The following MANBA variants were observed in gnomAD, a reference collection of about 807,000 sequenced individuals.
MANBA encodes the protein mannosidase beta.
In MANBA, 83 loss-of-function variants were observed where a neutral mutation model predicts 111.1. The observed-to-expected ratio is 0.75, with a 90% CI of 0.63 to 0.90. The LOEUF is 0.90. Ranked by LOEUF, MANBA falls within the 40% of genes least tolerant of loss-of-function variation. The pLI is 0.00. For synonymous variants in MANBA, 370 were observed against 378.7 expected, an observed-to-expected ratio of 0.98 and a Z score of 0.27; for missense variants, 1,036 against 1,069.0, an observed-to-expected ratio of 0.97 and a Z score of 0.43.
At position 102,633,395 on chromosome 4, in the gene MANBA, T is replaced by C. The variant is rs12502761; in HGVS notation, c.2416-1114A>G. 0.058 allele frequency: 23,176 copies of C among 398,628 alleles called. 795 individuals carry two copies. Among genetic ancestry groups the C allele is most frequent in the East Asian group, 0.098 (2,739 of 28,078 alleles). 24.7% of individuals were successfully genotyped at this position (398,628 alleles called of 1,614,324 possible). A position where few individuals can be genotyped will look rare whatever the true frequency, so the allele number is the denominator to read the frequency against. The stretch of plus-strand genomic sequence containing the variant: ...GCCGAAAGAGATGCTGGTGTCATGC[T>C]TATGCTGGTTATCTTCGTTGGATTG... On this transcript the variant is annotated intron_variant, in intron 16 of 16. Coordinates refer to ENST00000647097, the MANE Select transcript of MANBA (RefSeq NM_005908.4).
intron 5 of MANBA, among the ~76,000 whole-genome samples, chr4:102,700,523 G>A (rs1732978186): frequency 6.6e-6 from 1 of 151,926 alleles, no homozygotes; most frequent in Non-Finnish European, 1.5e-5. Flanking sequence ...TCTACACACT[G>A]CTTTGAATGT....
chr4:102,715,355 A>G (rs1197951263), intron 4 of MANBA, among the ~76,000 whole-genome samples: 1 of 152,126 alleles, frequency 6.6e-6, no homozygotes, highest in African/African-American at 2.4e-5. Context: ...CCTTGAGACA[A>G]CTGCAGCCAT....
chr4:102,744,006 C>A (rs547419349), intron 1 of MANBA, among the ~76,000 whole-genome samples: 16 of 152,328 alleles, frequency 1.1e-4, no homozygotes, highest in African/African-American at 3.6e-4. Flanking sequence ...GTCCAAGTGG[C>A]AGAGCAGCTT....
intron 7 of MANBA, among the ~76,000 whole-genome samples, chr4:102,678,310 C>CA (rs1731811297): frequency 6.6e-6 from 1 of 152,132 alleles, no homozygotes; most frequent in African/African-American, 2.4e-5. Flanking sequence ...CATTCTTTCA[C>CA]AAGTGAAAGG....
chr4:102,713,032 T>C (rs1328760395), intron 5 of MANBA, among the ~76,000 whole-genome samples: 1 of 152,218 alleles, frequency 6.6e-6, no homozygotes, highest in African/African-American at 2.4e-5. Context: ...TTAAATTAGA[T>C]CTTTTAATGC....
At chr4:102,756,978 T>C (rs1005693401) in intron 1 of MANBA, among the ~76,000 whole-genome samples, 7 of 152,166 alleles carry the variant, frequency 4.6e-5, no homozygotes, top group Non-Finnish European at 7.4e-5. Context: ...ATAGGAACTA[T>C]AGTCTCACTC....
In MANBA at chr4:102,689,669, T is replaced by C; in HGVS notation, c.865A>G (p.Thr289Ala). 8.2e-6 allele frequency: 13 copies of C among 1,594,270 alleles called. No individual in the cohort carries two copies. The highest frequency in any genetic ancestry group is 1.1e-5 in the Non-Finnish European group (13 of 1,162,192). The change falls in exon 7 of 17, where the codon ACT (threonine) becomes GCT (alanine). Residue 289 changes from threonine to alanine, a missense_variant. Thr to Ala is a moderately conservative substitution (Grantham distance 58). Coordinates refer to ENST00000647097, the MANE Select transcript of MANBA (RefSeq NM_005908.4). ...VNISKNITVE[T>A]WWPHGHGNQT... ...TTTCCATGTCCATGAGGCCACCAAG[T>C]TTCTACAGTAATATTCTTTTAAGAA...
chr4:102,689,508 G>T, intron 7 of MANBA, 66 bp downstream of exon 7: 1 of 1,023,220 alleles, frequency 9.8e-7, no homozygotes, highest in Non-Finnish European at 1.5e-6. Flanking sequence ...TTCCCATGAA[G>T]ATCTGTATTA....
chr4:102,723,129 A>G (rs1722653998), intron 3 of MANBA, 88 bp from the exon 4 acceptor site: 1 of 1,170,772 alleles, frequency 8.5e-7, no homozygotes, highest in Non-Finnish European at 1.2e-6. Context: ...TGTATGAAAG[A>G]CACATAATAT....
At chr4:102,754,018 G>GAA in intron 1 of MANBA, 10 of 231,352 alleles carry the variant, frequency 4.3e-5, no homozygotes, top group South Asian at 1.5e-4. Flanking sequence ...AAAAAAAAAA[G>GAA]AAAAAAAAAA....
chr4:102,655,837 T>C (rs1450155580), intron 12 of MANBA, among the ~76,000 whole-genome samples: 1 of 152,174 alleles, frequency 6.6e-6, no homozygotes, highest in Non-Finnish European at 1.5e-5. Flanking sequence ...ACCATCAAAG[T>C]GAATAAGGTG....
chr4:102,665,101 AG>A (rs1405122783), intron 10 of MANBA: 2 of 453,322 alleles, frequency 4.4e-6, no homozygotes, highest in Non-Finnish European at 8.0e-6. Flanking sequence ...TAAAAACTGA[AG>A]ATAATATAAT....
In MANBA at chr4:102,760,722, A is replaced by T. The variant is rs1724208385; in HGVS notation, c.173T>A (p.Ile58Asn). The T allele has an allele frequency of 2.0e-6, 3 of 1,537,916 alleles. No individual in the cohort carries two copies. In the East Asian group the frequency reaches 7.4e-5, roughly 38 times the overall value. Residue 58 changes from isoleucine (I) to asparagine (N), a missense_variant, in exon 1 of 17, where the codon ATC becomes AAC. Coordinates refer to ENST00000647097, the MANE Select transcript of MANBA (RefSeq NM_005908.4). ...CGGGTCGGCCGCACGCCATACCTGG[A>T]TCAGGCCCTGCTGGAACAAGGCGCT... Reference protein sequence around the residue: ...VHSALFQQGLIQDSYYRFNDL... With the variant: ...VHSALFQQGLNQDSYYRFNDL...
chr4:102,741,910 GT>G (rs1377772610), intron 1 of MANBA, among the ~76,000 whole-genome samples: 2 of 152,102 alleles, frequency 1.3e-5, no homozygotes, highest in Non-Finnish European at 2.9e-5. Context: ...GGAGGTCATG[GT>G]TTTTTTCCTG....
intron 16 of MANBA, among the ~76,000 whole-genome samples, chr4:102,634,455 G>A (rs6813687): frequency 0.55 from 83,159 of 151,662 alleles, 23,200 homozygotes; most frequent in African/African-American, 0.63. Flanking sequence ...GAGACTATGA[G>A]GTGAAGCACC....
In MANBA at chr4:102,671,366, G is replaced by A. The variant is rs1731488377; in HGVS notation, c.1145C>T (p.Ala382Val). The change falls in exon 9 of 17, where the codon GCT (alanine) becomes GTT (valine). Residue 382 changes from alanine (A) to valine (V), a missense_variant. Coordinates refer to ENST00000647097, the MANE Select transcript of MANBA (RefSeq NM_005908.4). ...LRLLLQSVVDANMNTLRVWGG... is the reference protein window; with the variant it reads ...LRLLLQSVVDVNMNTLRVWGG... Reference sequence around the variant, plus strand: ...CCAAACCCGAAGAGTATTCATATTAGCATCCACAACAGACTGTAAAAGGAG... The same window carrying A: ...CCAAACCCGAAGAGTATTCATATTAACATCCACAACAGACTGTAAAAGGAG... The A allele has an allele frequency of 5.6e-6, 9 of 1,607,684 alleles. No homozygotes were observed. Among genetic ancestry groups the A allele is most frequent in the Non-Finnish European group, 7.7e-6 (9 of 1,174,632 alleles).
chr4:102,657,230 G>GGA (rs1338223430), intron 12 of MANBA, among the ~76,000 whole-genome samples: 1 of 111,896 alleles, frequency 8.9e-6, no homozygotes, highest in Non-Finnish European at 1.8e-5. Context: ...GGTGGGGGGG[G>GGA]GGTGGGCGGT....
chr4:102,650,145 C>T (rs1730265426), intron 13 of MANBA, among the ~76,000 whole-genome samples: 1 of 152,172 alleles, frequency 6.6e-6, no homozygotes, highest in African/African-American at 2.4e-5. Flanking sequence ...TGTTCTCATA[C>T]TCAATTGTGG....
At chr4:102,696,728 T>C (rs1255333178) in intron 5 of MANBA, among the ~76,000 whole-genome samples, 1 of 152,134 alleles carries the variant, frequency 6.6e-6, no homozygotes, top group Non-Finnish European at 1.5e-5. Flanking sequence ...CCTGCTGAGC[T>C]CCTCACAGCT....
Sources: gnomAD v4.1 joint callset for allele counts (sites outside exome capture counted in the v4.1 genomes callset) on GRCh38, gnomAD v4.1.1 for gene constraint, MANE v1.5 for transcripts, NCBI Gene and HGNC (gene_info 2026-07-23, HGNC 2026-07-21) for gene names.